PLCH1: variants seen among roughly 807,000 people sequenced by gnomAD.
The protein encoded by PLCH1 is 1-phosphatidylinositol 4,5-bisphosphate phosphodiesterase eta-1.
Under a neutral mutation model 126.7 loss-of-function variants are expected in PLCH1, and 60 were observed. The ratio of observed to expected loss-of-function variants is 0.47; its 90% confidence interval spans 0.38 to 0.59. The LOEUF (loss-of-function observed/expected upper bound fraction) is 0.59. PLCH1 is among the 20% of genes least tolerant of loss of function. The probability of loss-of-function intolerance (pLI) is 0.00; values close to 1 mark genes in which losing one functional copy is unlikely to be tolerated. For synonymous variants in PLCH1, 719 were observed against 734.9 expected (o/e 0.98, Z 0.35); for missense variants, 1,723 against 2,040.0 (o/e 0.84, Z 2.99).
At chr3:155,709,494 G>A (rs986876292) in intron 1 of PLCH1, among the ~76,000 whole-genome samples, 3 of 152,180 alleles carry the variant, frequency 2.0e-5, no homozygotes, top group Non-Finnish European at 4.4e-5. Flanking sequence ...ATAGCTGTGT[G>A]GTGGTACTCA....
chr3:155,565,944 C>T lies in PLCH1; in HGVS notation c.866-826G>A, dbSNP rs186276788. Among the ~76,000 whole-genome samples the T allele has an allele frequency of 4.2e-3, 640 of 151,040 alleles. 1 individual carries two copies. The highest frequency in any genetic ancestry group is 7.0e-3 in the Admixed American group (106 of 15,130). ...AATTCCTGACCTCATGTGATCTGCC[C>T]GCCTCGGCTTCCCAAAGTGCTGAGA... On this transcript the variant is annotated intron_variant, in intron 7 of 22. Coordinates refer to ENST00000460012, the MANE Select transcript of PLCH1 (RefSeq NM_014996.4).
chr3:155,465,096 G>A (rs188924357), intron 21 of PLCH1, among the ~76,000 whole-genome samples: 1,833 of 143,680 alleles, frequency 0.013, 9 homozygotes, highest in Middle Eastern at 0.029. Context: ...GTGACAGAGT[G>A]AGACTCTGTC....
At chr3:155,590,470 C>G (rs977500440) in intron 4 of PLCH1, among the ~76,000 whole-genome samples, 3 of 151,252 alleles carry the variant, frequency 2.0e-5, no homozygotes, top group African/African-American at 4.9e-5. Context: ...CCCAGCTACT[C>G]GGGAGGCTGA....
intron 2 of PLCH1, among the ~76,000 whole-genome samples, chr3:155,665,813 TCA>T (rs763684956): frequency 6.6e-6 from 1 of 152,204 alleles, no homozygotes; most frequent in Non-Finnish European, 1.5e-5. Context: ...AGAAAATAAA[TCA>T]CAAATAATCT....
At chr3:155,458,441 GGAAGGAAGGAAGGAAAGAAAGAAA>G (rs777365903) in intron 21 of PLCH1, among the ~76,000 whole-genome samples, 36 of 56,488 alleles carry the variant, frequency 6.4e-4, no homozygotes, top group South Asian at 4.2e-3. Flanking sequence ...AAGGAAGGAA[GGAAGGAAGGAAGGAAAGAAAGAAA>G]GAAAGAAAGA....
chr3:155,490,907 T>TGTTAA (rs1387438053), intron 18 of PLCH1, 39 bp from the exon 19 acceptor site: 2 of 1,077,106 alleles, frequency 1.9e-6, no homozygotes, highest in African/African-American at 3.1e-5. Context: ...AAATAACATA[T>TGTTAA]TTCTATACAT....
intron 8 of PLCH1, among the ~76,000 whole-genome samples, chr3:155,559,212 C>T (rs370989466): frequency 2.6e-5 from 4 of 151,914 alleles, no homozygotes; most frequent in African/African-American, 4.8e-5. Flanking sequence ...TTCCTAACCT[C>T]GGGAACTTAA....
intron 9 of PLCH1, among the ~76,000 whole-genome samples, chr3:155,551,662 G>A (rs990403835): frequency 4.1e-5 from 5 of 122,824 alleles, no homozygotes; most frequent in Admixed American, 2.9e-4. Flanking sequence ...TCCACCCTAC[G>A]CTGCACAGGA....
chr3:155,731,179 T>C (rs763023469), intron 1 of PLCH1, among the ~76,000 whole-genome samples: 27 of 152,194 alleles, frequency 1.8e-4, no homozygotes, highest in Non-Finnish European at 3.7e-4. Context: ...ACTTAGGCTC[T>C]AGGCCAACCC....
At chr3:155,698,981 A>G (rs1577337466) in intron 2 of PLCH1, among the ~76,000 whole-genome samples, 1 of 136,890 alleles carries the variant, frequency 7.3e-6, no homozygotes, top group African/African-American at 3.1e-5. Context: ...CTTAAGGCCT[A>G]TCTTCTTTTT....
chr3:155,553,993 GATGT>G, intron 9 of PLCH1, 79 bp downstream of exon 9: 1 of 1,339,540 alleles, frequency 7.5e-7, no homozygotes, highest in Non-Finnish European at 1.1e-6. Flanking sequence ...CAAGGAAGAG[GATGT>G]GGTTTTGTAG....
intron 13 of PLCH1, among the ~76,000 whole-genome samples, chr3:155,504,159 C>T (rs1405548105): frequency 6.6e-6 from 1 of 151,986 alleles, no homozygotes; most frequent in Non-Finnish European, 1.5e-5. Flanking sequence ...AAGTGTTTTG[C>T]CCATCTTTTA....
intron 2 of PLCH1, among the ~76,000 whole-genome samples, chr3:155,678,434 G>T (rs1345442849): frequency 2.0e-5 from 3 of 152,138 alleles, no homozygotes; most frequent in Non-Finnish European, 4.4e-5. Flanking sequence ...TGACCACAAA[G>T]GAGCACTCAC....
chr3:155,581,051 A>T (rs1052893194), intron 6 of PLCH1, among the ~76,000 whole-genome samples: 1 of 152,204 alleles, frequency 6.6e-6, no homozygotes, highest in Non-Finnish European at 1.5e-5. Context: ...TAGCGTCTCA[A>T]ATCCTTGTTA....
intron 10 of PLCH1, 83 bp from the exon 11 acceptor site, chr3:155,524,087 G>A: frequency 2.4e-6 from 2 of 822,852 alleles, no homozygotes; most frequent in Non-Finnish European, 4.2e-6. Flanking sequence ...AGCATCCATT[G>A]ATGGATGAGA....
chr3:155,526,484 T>TACA (rs774024945), intron 10 of PLCH1, among the ~76,000 whole-genome samples: 1,506 of 94,234 alleles, frequency 0.016, 22 homozygotes, highest in Admixed American at 0.02. Context: ...TTTCTCTCTC[T>TACA]CTCATACACA....
chr3:155,483,090 CT>C (rs1714446111), intron 22 of PLCH1, 39 bp from the exon 23 acceptor site: 1 of 1,562,142 alleles, frequency 6.4e-7, no homozygotes, highest in Non-Finnish European at 8.7e-7. Flanking sequence ...ACATCTATCA[CT>C]TTATGTAGGA....
intron 2 of PLCH1, among the ~76,000 whole-genome samples, chr3:155,677,908 C>A (rs1331439317): frequency 1.3e-5 from 2 of 152,114 alleles, no homozygotes; most frequent in Non-Finnish European, 2.9e-5. Context: ...TACAAAAAGA[C>A]AATGGTGTTT....
chr3:155,715,640 T>TA (rs1747446383), intron 1 of PLCH1, among the ~76,000 whole-genome samples: 1 of 137,698 alleles, frequency 7.3e-6, no homozygotes, highest in Non-Finnish European at 1.5e-5. Flanking sequence ...AGAGACAGAG[T>TA]AACACTCTGT....
Sources: allele counts gnomAD v4.1 joint callset (sites outside exome capture counted in the v4.1 genomes callset), GRCh38; gene constraint gnomAD v4.1.1; transcripts MANE v1.5; gene names NCBI Gene and HGNC (gene_info 2026-07-23, HGNC 2026-07-21).